Variants in DNMT1 observed in about 807,000 individuals in gnomAD.
The protein encoded by DNMT1 is DNA (cytosine-5)-methyltransferase 1.
Under a neutral mutation model 205.3 loss-of-function variants are expected in DNMT1, and 24 were observed. That is an observed-to-expected ratio of 0.12 (90% CI 0.08 to 0.16). The LOEUF (loss-of-function observed/expected upper bound fraction) is 0.16. DNMT1 is among the 10% of genes least tolerant of loss of function. The pLI is 1.00. For missense variants in DNMT1, 1,293 were observed against 2,177.7 expected (o/e 0.59, Z 8.09); for synonymous variants, 817 against 839.8 (o/e 0.97, Z 0.47).
chr19:10,183,457 C>T (rs1027304822), intron 1 of DNMT1, among the ~76,000 whole-genome samples: 7 of 152,112 alleles, frequency 4.6e-5, no homozygotes, highest in African/African-American at 1.2e-4. Flanking sequence ...TGGTGGCTCA[C>T]GCTTATAATC....
Position 10,136,226 on chromosome 19 carries a change from G to A in DNMT1, c.4551C>T (p.Pro1517=). Residue 1517 remains proline, a synonymous_variant, in exon 38 of 41, where the codon CCC becomes CCT. Coordinates refer to ENST00000359526, the MANE Select transcript of DNMT1 (RefSeq NM_001130823.3). Reference sequence around the variant, plus strand: ...AGTGGTTGTGCCGGTTCCCGGTGTGGGGCAGGCACCAGGGGATGAGGGTGT... The same window carrying A: ...AGTGGTTGTGCCGGTTCCCGGTGTGAGGCAGGCACCAGGGGATGAGGGTGT... ...QFNTLIPWCL[P]HTGNRHNHWA... is the part of the protein sequence containing the mutation. 6.2e-7 allele frequency: 1 copy of A among 1,614,118 alleles called. No homozygotes were observed. Among genetic ancestry groups the A allele is most frequent in the East Asian group, 2.2e-5 (1 of 44,884 alleles).
rs530295389 is a variant in DNMT1 at position 10,193,822 on chromosome 19, TG to T, written c.80+997del. ...CAAAGAGTGCTTTCACAAATCCAGC[TG>T]GAAGTGTCCACGCCTGGTGAGGGTT... On this transcript the variant is annotated intron_variant, in intron 1 of 40. Transcript: ENST00000359526. Among the ~76,000 whole-genome samples, 131 of 152,296 alleles carry T rather than the reference TG, an allele frequency of 8.6e-4. 1 individual carries two copies. The highest frequency in any genetic ancestry group is 1.6e-3 in the Non-Finnish European group (110 of 68,034).
In DNMT1 at chr19:10,137,071, C is replaced by T. The variant is rs1272653993; in HGVS notation, c.4489+14G>A. On this transcript the variant is annotated intron_variant, in intron 37 of 40. Coordinates refer to ENST00000359526, the MANE Select transcript of DNMT1 (RefSeq NM_001130823.3). This position sits in a 1 kb window ranked among gnomAD's most constrained non-coding sequence, Gnocchi z 6.4. The stretch of plus-strand genomic sequence containing the variant: ...CCCCTCAGCCCACCGGGAACCACAA[C>T]TTACAGGACCCACCTTCCACGCAGG... 3 of 1,610,410 alleles carry T rather than the reference C, an allele frequency of 1.9e-6. No homozygotes were observed. The highest frequency in any genetic ancestry group is 2.7e-5 in the African/African-American group (2 of 74,908).
At chr19:10,164,432 C>T (rs1023959693) in intron 11 of DNMT1, among the ~76,000 whole-genome samples, 3 of 152,122 alleles carry the variant, frequency 2.0e-5, no homozygotes, top group Non-Finnish European at 2.9e-5. Context: ...CGTGAGACAC[C>T]GCGCCTGGCT....
intron 9 of DNMT1, among the ~76,000 whole-genome samples, chr19:10,171,835 AT>A (rs1160821780): frequency 3.3e-5 from 5 of 149,390 alleles, no homozygotes; most frequent in African/African-American, 1.2e-4. Flanking sequence ...AAATAAATAA[AT>A]AAATAAATAA....
intron 1 of DNMT1, among the ~76,000 whole-genome samples, chr19:10,187,200 G>A (rs761051226): frequency 5.9e-5 from 9 of 151,802 alleles, no homozygotes; most frequent in South Asian, 2.1e-4. Flanking sequence ...CATCAGAGCC[G>A]TGTTAAGAAA....
At chr19:10,166,185 G>C (rs2038689554) in intron 11 of DNMT1, among the ~76,000 whole-genome samples, 1 of 152,178 alleles carries the variant, frequency 6.6e-6, no homozygotes, top group Non-Finnish European at 1.5e-5. Flanking sequence ...GGCTAAACTA[G>C]ACTGGGGAGG....
In DNMT1 at chr19:10,134,208, C is replaced by T; in HGVS notation, c.4864+9G>A. 1.2e-6 allele frequency: 2 copies of T among 1,614,192 alleles called. No individual in the cohort carries two copies. The highest frequency in any genetic ancestry group is 1.7e-6 in the Non-Finnish European group (2 of 1,180,038). On this transcript the variant is annotated intron_variant, in intron 40 of 40. Transcript: ENST00000359526. ...GGCCCCAGAGGAAGCCTGGCCCACC[C>T]CACCATACCTGAGGCACTCTCTCGG... is the stretch of plus-strand genomic sequence containing the variant.
chr19:10,182,943 G>C (rs1008572048), intron 1 of DNMT1, among the ~76,000 whole-genome samples: 1 of 151,244 alleles, frequency 6.6e-6, no homozygotes, highest in South Asian at 2.1e-4. Flanking sequence ...TAGGATTACA[G>C]GCATGAGTCA....
Position 10,140,351 on chromosome 19 carries a change from A to C in DNMT1, c.3524-23T>G. The C allele has an allele frequency of 6.2e-7, 1 of 1,611,736 alleles. No homozygotes were observed. On this transcript the variant is annotated intron_variant, in intron 32 of 40. Transcript: ENST00000359526. The surrounding 1 kb of genome is among the most constrained non-coding windows in gnomAD (Gnocchi z 8.4). The stretch of plus-strand genomic sequence containing the variant: ...TGCCTGGCAGATCAAGCACGAAGCC[A>C]TGCTTTCAACTCTCCAGAAGATTTT...
chr19:10,137,713 G>A lies in DNMT1; in HGVS notation c.4293+119C>T, dbSNP rs1252458732. On this transcript the variant is annotated intron_variant, in intron 36 of 40. Transcript: ENST00000359526. This position sits in a 1 kb window ranked among gnomAD's most constrained non-coding sequence, Gnocchi z 6.4. ...GGGGTCACACAAAGGCTGAGGACTCGGGAGGAGGAGCCTGGGATCAGATTC... is the reference window on the plus strand; with the variant it reads ...GGGGTCACACAAAGGCTGAGGACTCAGGAGGAGGAGCCTGGGATCAGATTC... 82 of 1,376,746 alleles carry A rather than the reference G, an allele frequency of 6.0e-5. No homozygotes were observed. Among genetic ancestry groups the A allele is most frequent in the South Asian group, 4.6e-4 (37 of 80,236 alleles). 85.3% of individuals were successfully genotyped at this position (1,376,746 alleles called of 1,614,324 possible).
chr19:10,141,995 C>A, intron 30 of DNMT1, 33 bp downstream of exon 30: 1 of 1,609,444 alleles, frequency 6.2e-7, no homozygotes, highest in Non-Finnish European at 8.5e-7. Flanking sequence ...ACTTTGACCC[C>A]GAAGCCTTCC....
At chr19:10,155,091 G>A in intron 19 of DNMT1, 35 bp from the exon 20 acceptor site, 2 of 1,613,086 alleles carry the variant, frequency 1.2e-6, no homozygotes, top group Non-Finnish European at 1.7e-6. Flanking sequence ...AAAAGGGGCT[G>A]GAATCTGATG....
chr19:10,175,267 A>G (rs1481310447), intron 7 of DNMT1, among the ~76,000 whole-genome samples: 1 of 152,078 alleles, frequency 6.6e-6, no homozygotes, highest in Non-Finnish European at 1.5e-5. Context: ...CTCAAAATAA[A>G]GTCTCTCCCC....
intron 12 of DNMT1, 191 bp from the exon 13 acceptor site, chr19:10,162,939 C>A: frequency 1.6e-6 from 1 of 607,958 alleles, no homozygotes; most frequent in Non-Finnish European, 2.9e-6. Flanking sequence ...CACACATCTA[C>A]ATCACCACAG....
chr19:10,150,653 G>A (rs1024000151), intron 24 of DNMT1, among the ~76,000 whole-genome samples: 1 of 152,184 alleles, frequency 6.6e-6, no homozygotes, highest in Non-Finnish European at 1.5e-5. Flanking sequence ...GCAACACAGA[G>A]GATACTCACT....
At chr19:10,182,453 GTATA>G (rs541115556) in intron 1 of DNMT1, among the ~76,000 whole-genome samples, 4 of 119,864 alleles carry the variant, frequency 3.3e-5, no homozygotes, top group Non-Finnish European at 7.1e-5. Context: ...ATATATATGT[GTATA>G]TATATGTGTG....
intron 30 of DNMT1, chr19:10,141,624 G>A (rs771152915): frequency 9.3e-5 from 32 of 343,394 alleles, no homozygotes; most frequent in Non-Finnish European, 1.5e-4. Flanking sequence ...GCACAGGCAT[G>A]TGGGCTGGGC....
intron 38 of DNMT1, 95 bp downstream of exon 38, chr19:10,136,026 G>A: frequency 6.4e-7 from 1 of 1,565,560 alleles, no homozygotes; most frequent in African/African-American, 1.3e-5. Flanking sequence ...GTCCTGGGGT[G>A]CTGTCCCCCA....
Sources: allele counts gnomAD v4.1 joint callset (sites outside exome capture counted in the v4.1 genomes callset), GRCh38; gene constraint gnomAD v4.1.1; non-coding constraint Gnocchi (gnomAD v3.1); transcripts MANE v1.5; gene names NCBI Gene and HGNC (gene_info 2026-07-23, HGNC 2026-07-21).